The following HAUS6 variants were observed in gnomAD, a reference collection of about 807,000 sequenced individuals.
The protein encoded by HAUS6 is HAUS augmin-like complex subunit 6.
HAUS6 carries 80 observed loss-of-function variants against 106.8 expected under a neutral mutation model. That is an observed-to-expected ratio of 0.75 (90% confidence interval 0.63 to 0.90). The LOEUF (loss-of-function observed/expected upper bound fraction) is 0.90. Ranked by LOEUF, HAUS6 falls within the 40% of genes least tolerant of loss-of-function variation. The pLI is 0.00. For missense variants in HAUS6, 1,155 were observed against 1,118.1 expected (o/e 1.03, Z -0.47); for synonymous variants, 356 against 379.1 (o/e 0.94, Z 0.71).
At chr9:19,059,535 T>C (rs1337517723) in intron 15 of HAUS6, among the ~76,000 whole-genome samples, 2 of 152,238 alleles carry the variant, frequency 1.3e-5, no homozygotes, top group Non-Finnish European at 1.5e-5. Flanking sequence ...CAGTTCAAAC[T>C]GAATTAAATC....
rs181777559 is a variant in HAUS6 at position 19,083,128 on chromosome 9, C to G, written c.700-85G>C. The G allele has an allele frequency of 1.7e-4, 110 of 648,622 alleles. No individual in the cohort carries two copies. The African/African-American group carries it at 2.0e-3, about 12-fold the overall frequency. 40.2% of individuals were successfully genotyped at this position (648,622 alleles called of 1,614,324 possible). ...GTAAATGTATGTTCACTCTTAGTAA[C>G]AAATTTCCTAGAATGATTTCTAGTA... On this transcript the variant is annotated intron_variant, in intron 7 of 16. Coordinates refer to ENST00000380502, the MANE Select transcript of HAUS6 (RefSeq NM_017645.5).
chr9:19,080,757 A>G (rs1837124852), intron 8 of HAUS6, 85 bp from the exon 9 acceptor site: 1 of 769,286 alleles, frequency 1.3e-6, no homozygotes, highest in Non-Finnish European at 2.1e-6. Flanking sequence ...GTTTTTTACT[A>G]TTAAAGTTTA....
At position 19,053,645 on chromosome 9, in the gene HAUS6, GATGT is replaced by G. The variant is rs1430434274; in HGVS notation, c.*2694_*2697del. The G allele has an allele frequency of 6.6e-6, 1 of 152,112 alleles. No individual in the cohort carries two copies. Among genetic ancestry groups the G allele is most frequent in the South Asian group, 2.1e-4 (1 of 4,832 alleles). 9.4% of individuals were successfully genotyped at this position (152,112 alleles called of 1,614,324 possible). ...TTAGCATTATCTCAGGTTTCAAGCT[GATGT>G]ATGTCAGTTTATATACCTTTGTATC... is the stretch of plus-strand genomic sequence containing the variant. On this transcript the variant is annotated 3_prime_UTR_variant, in exon 17 of 17. Transcript: ENST00000380502.
Position 19,084,788 on chromosome 9 carries a change from A to G in HAUS6, c.700-1745T>C, listed in dbSNP as rs149851527. 3.3e-4 allele frequency among the ~76,000 whole-genome samples: 49 copies of G among 149,418 alleles called. No individual in the cohort carries two copies. The East Asian group carries it at 8.5e-3, about 26-fold the overall frequency. On this transcript the variant is annotated intron_variant, in intron 7 of 16. Transcript: ENST00000380502. ...GCTGGGACTACAGGTGAGTACCACCACACCAGACTACTTTTTTATTTTTGG... is the reference window on the plus strand; with the variant it reads ...GCTGGGACTACAGGTGAGTACCACCGCACCAGACTACTTTTTTATTTTTGG...
chr9:19,084,051 CAAAAAAA>C (rs35034404), intron 7 of HAUS6, among the ~76,000 whole-genome samples: 4 of 100,440 alleles, frequency 4.0e-5, no homozygotes, highest in Admixed American at 2.3e-4. Context: ...AGGATCCTTG[CAAAAAAA>C]AAAAAAAAAA....
At position 19,062,941 on chromosome 9, in the gene HAUS6, C is replaced by T. The variant is rs553977150; in HGVS notation, c.1629+67G>A. Reference sequence around the variant, plus strand: ...GAAACCTCCCCAAGTGTTGGGATTACAGACATGGGCCACTGTGCCCATCCA... The same window carrying T: ...GAAACCTCCCCAAGTGTTGGGATTATAGACATGGGCCACTGTGCCCATCCA... On this transcript the variant is annotated intron_variant, in intron 14 of 16. Coordinates refer to ENST00000380502, the MANE Select transcript of HAUS6 (RefSeq NM_017645.5). 3.1e-4 allele frequency: 375 copies of T among 1,202,272 alleles called. 1 individual carries two copies. The African/African-American group carries it at 5.2e-3, about 17-fold the overall frequency. The allele number at this position is 1,202,272 out of a possible 1,614,324, so 74.5% of individuals were successfully genotyped here.
At chr9:19,074,344 T>C (rs1394166422) in intron 11 of HAUS6, among the ~76,000 whole-genome samples, 2 of 152,074 alleles carry the variant, frequency 1.3e-5, no homozygotes, top group Admixed American at 1.3e-4. Context: ...CAGTAATAGA[T>C]CATTGCAGCC....
At chr9:19,087,846 CAAAAAAAAAAA>C (rs71333081) in intron 5 of HAUS6, among the ~76,000 whole-genome samples, 1 of 78,716 alleles carries the variant, frequency 1.3e-5, no homozygotes, top group Admixed American at 1.8e-4. Context: ...GACCTTGTCT[CAAAAAAAAAAA>C]AAAAAAAAAA....
intron 4 of HAUS6, among the ~76,000 whole-genome samples, chr9:19,092,099 C>A (rs1028674521): frequency 2.5e-4 from 38 of 152,088 alleles, no homozygotes; most frequent in African/African-American, 9.2e-4. Context: ...ATTAAAATGT[C>A]TGGTCACATA....
intron 12 of HAUS6, among the ~76,000 whole-genome samples, chr9:19,066,151 T>C (rs1836756782): frequency 6.6e-6 from 1 of 151,916 alleles, no homozygotes; most frequent in African/African-American, 2.4e-5. Flanking sequence ...GGCCAGGCTG[T>C]TCTCAAACTC....
At chr9:19,078,505 A>C (rs1363260829) in intron 9 of HAUS6, among the ~76,000 whole-genome samples, 1 of 152,174 alleles carries the variant, frequency 6.6e-6, no homozygotes, top group Non-Finnish European at 1.5e-5. Flanking sequence ...ACCATAAAGA[A>C]GGCCGGGGGC....
chr9:19,079,151 G>A (rs1159874850), intron 9 of HAUS6, among the ~76,000 whole-genome samples: 1 of 145,408 alleles, frequency 6.9e-6, no homozygotes. Flanking sequence ...GCAAAAAGAG[G>A]GAAATGCCGT....
rs549008350 is a variant in HAUS6 at position 19,093,163 on chromosome 9, G to T, written c.436+8C>A. On this transcript the variant is annotated splice_region_variant and intron_variant, in intron 4 of 16. Coordinates refer to ENST00000380502, the MANE Select transcript of HAUS6 (RefSeq NM_017645.5). Reference sequence around the variant, plus strand: ...CAAAACAAAAAATCTTTTATAAGTTGAACTTACTTTTAGAATTGGATTTAA... The same window carrying T: ...CAAAACAAAAAATCTTTTATAAGTTTAACTTACTTTTAGAATTGGATTTAA... The T allele has an allele frequency of 1.5e-5, 22 of 1,504,870 alleles. No homozygotes were observed. In the South Asian group the frequency reaches 2.2e-4, roughly 15 times the overall value. The allele number at this position is 1,504,870 out of a possible 1,614,324, so 93.2% of individuals were successfully genotyped here. A position where few individuals can be genotyped will look rare whatever the true frequency, so the allele number is the denominator to read the frequency against.
chr9:19,063,893 T>C lies in HAUS6; in HGVS notation c.1377-313A>G, dbSNP rs532001701. ...AACTTGAACACAGGTTAAAAACAGA[T>C]TCAATTAACTAGAACTGCATTATTA... On this transcript the variant is annotated intron_variant, in intron 12 of 16. Coordinates refer to ENST00000380502, the MANE Select transcript of HAUS6 (RefSeq NM_017645.5). 38 of 449,564 alleles carry C rather than the reference T, an allele frequency of 8.5e-5. No homozygotes were observed. The East Asian group carries it at 2.0e-3, about 23-fold the overall frequency. The allele number at this position is 449,564 out of a possible 1,614,324, so 27.8% of individuals were successfully genotyped here.
chr9:19,078,133 A>C lies in HAUS6; in HGVS notation c.1191+43T>G, dbSNP rs202123843. On this transcript the variant is annotated intron_variant, in intron 10 of 16. Coordinates refer to ENST00000380502, the MANE Select transcript of HAUS6 (RefSeq NM_017645.5). ...GACACTGTCTCAAAAAAAAAAAAAA[A>C]GGTGGGTGGCGGGGAGGGCAGGGGC... 2,902 of 1,410,266 alleles carry C rather than the reference A, an allele frequency of 2.1e-3. 23 individuals carry two copies. The African/African-American group carries it at 0.027, about 13-fold the overall frequency. 87.4% of individuals were successfully genotyped at this position (1,410,266 alleles called of 1,614,324 possible). A position where few individuals can be genotyped will look rare whatever the true frequency, so the allele number is the denominator to read the frequency against.
chr9:19,080,860 G>A (rs1837129671), intron 8 of HAUS6, among the ~76,000 whole-genome samples, 188 bp from the exon 9 acceptor site: 1 of 152,156 alleles, frequency 6.6e-6, no homozygotes, highest in Admixed American at 6.6e-5. Context: ...ATCACCTGAG[G>A]TCGGGAGTTC....
chr9:19,072,778 T>C (rs978552824), intron 11 of HAUS6, among the ~76,000 whole-genome samples: 1 of 152,058 alleles, frequency 6.6e-6, no homozygotes. Context: ...AACAAAAGAA[T>C]AGACCAAAAA....
chr9:19,082,645 C>T (rs1398816413), intron 8 of HAUS6, among the ~76,000 whole-genome samples: 2 of 152,032 alleles, frequency 1.3e-5, no homozygotes, highest in Non-Finnish European at 2.9e-5. Context: ...ACTCGGGAGG[C>T]TGAGGCAGGA....
At chr9:19,063,315 T>C in intron 13 of HAUS6, 122 bp from the exon 14 acceptor site, 3 of 714,990 alleles carry the variant, frequency 4.2e-6, no homozygotes, top group East Asian at 2.8e-5. Flanking sequence ...TATTGTGAAA[T>C]TGTATGTCAC....
Sources: allele counts gnomAD v4.1 joint callset (sites outside exome capture counted in the v4.1 genomes callset), GRCh38; gene constraint gnomAD v4.1.1; transcripts MANE v1.5; gene names NCBI Gene and HGNC (gene_info 2026-07-23, HGNC 2026-07-21).